The following SLC1A2 variants were observed in gnomAD, a reference collection of about 807,000 sequenced individuals.
SLC1A2 encodes excitatory amino acid transporter 2.
A neutral mutation model predicts 48.8 loss-of-function variants in SLC1A2; 15 were observed. The ratio of observed to expected loss-of-function variants is 0.31; its 90% CI spans 0.21 to 0.47. The LOEUF is 0.47. Among genes scored for constraint, SLC1A2 ranks in the 20% least tolerant of loss-of-function variants. The probability of loss-of-function intolerance (pLI) is 0.99; values close to 1 mark genes in which losing one functional copy is unlikely to be tolerated. For missense variants in SLC1A2, 502 were observed against 730.5 expected, an observed-to-expected ratio of 0.69 and a Z score of 3.61; for synonymous variants, 279 against 272.6, an observed-to-expected ratio of 1.02 and a Z score of -0.23.
intron 1 of SLC1A2, among the ~76,000 whole-genome samples, chr11:35,380,759 G>C (rs1365632598): frequency 6.6e-6 from 1 of 152,210 alleles, no homozygotes; most frequent in African/African-American, 2.4e-5. Context: ...GTGTCTGCAC[G>C]GGCAGTGCCT....
intron 6 of SLC1A2, chr11:35,298,422 G>T (rs1297438878): frequency 6.6e-6 from 1 of 152,104 alleles, no homozygotes; most frequent in Non-Finnish European, 1.5e-5. Context: ...GAATACAAAA[G>T]AATTCTGATT....
chr11:35,379,173 G>A (rs1156954536), intron 1 of SLC1A2, among the ~76,000 whole-genome samples: 2 of 152,154 alleles, frequency 1.3e-5, no homozygotes, highest in Non-Finnish European at 2.9e-5. Flanking sequence ...AGGTTGCAGT[G>A]AGACGAGATC....
chr11:35,403,979 G>C (rs2135279302), intron 1 of SLC1A2, among the ~76,000 whole-genome samples: 1 of 57,602 alleles, frequency 1.7e-5, no homozygotes, highest in Non-Finnish European at 4.1e-5. Flanking sequence ...ATGGACACGT[G>C]GATCAGTCTC....
At chr11:35,289,301 A>ATT (rs11440191) in intron 7 of SLC1A2, among the ~76,000 whole-genome samples, 27 of 147,858 alleles carry the variant, frequency 1.8e-4, no homozygotes, top group Admixed American at 2.7e-4. Context: ...TGGGTTTTAC[A>ATT]TTTTTTTTTT....
intron 1 of SLC1A2, among the ~76,000 whole-genome samples, chr11:35,390,049 A>G (rs1424622612): frequency 5.3e-5 from 8 of 152,372 alleles, no homozygotes; most frequent in East Asian, 3.8e-4. Context: ...AATGGTCACT[A>G]TGACATTTAG....
intron 1 of SLC1A2, among the ~76,000 whole-genome samples, chr11:35,368,466 T>G (rs941751563): frequency 2.0e-5 from 3 of 152,238 alleles, no homozygotes; most frequent in African/African-American, 7.2e-5. Flanking sequence ...GCTCAATCAA[T>G]TATGGCTGAC....
chr11:35,261,352 T>C (rs1950391576), intron 10 of SLC1A2, among the ~76,000 whole-genome samples: 1 of 152,236 alleles, frequency 6.6e-6, no homozygotes, highest in Non-Finnish European at 1.5e-5. Flanking sequence ...TATCTAGTTC[T>C]ACTCATGCAT....
Position 35,260,700 on chromosome 11 carries a change from C to A in SLC1A2, c.*194G>T. 1.8e-6 allele frequency: 1 copy of A among 566,138 alleles called. No homozygotes were observed. The highest frequency in any genetic ancestry group is 3.1e-6 in the Non-Finnish European group (1 of 318,270). 35.1% of individuals were successfully genotyped at this position (566,138 alleles called of 1,614,324 possible). On this transcript the variant is annotated 3_prime_UTR_variant, in exon 11 of 11. Transcript: ENST00000278379. ...GTGAGAAAATTAGACGGTTATAAAGCATTATTTGGCAAAGACACAGCACCG... is the reference window on the plus strand; with the variant it reads ...GTGAGAAAATTAGACGGTTATAAAGAATTATTTGGCAAAGACACAGCACCG...
intron 1 of SLC1A2, chr11:35,390,610 T>C (rs1386948323): frequency 1.5e-4 from 23 of 152,096 alleles, no homozygotes; most frequent in Admixed American, 1.5e-3. Context: ...TCATATTAGT[T>C]ACATGTTGAA....
At chr11:35,282,069 T>C (rs185284190) in intron 8 of SLC1A2, among the ~76,000 whole-genome samples, 36 of 144,036 alleles carry the variant, frequency 2.5e-4, no homozygotes, top group African/African-American at 8.9e-4. Context: ...ATCTTACGTT[T>C]GGAAGATTAA....
intron 1 of SLC1A2, among the ~76,000 whole-genome samples, chr11:35,392,632 T>G (rs745866310): frequency 5.3e-5 from 8 of 152,154 alleles, no homozygotes; most frequent in Admixed American, 2.0e-4. Flanking sequence ...GCTGCCTAAA[T>G]TAAGACTCCC....
chr11:35,281,028 TGGAAATGGAAA>T (rs772200297), intron 8 of SLC1A2, 27 bp from the exon 9 acceptor site: 21 of 1,549,376 alleles, frequency 1.4e-5, no homozygotes, highest in Admixed American at 4.1e-5. Context: ...GTTCAGGTCA[TGGAAATGGAAA>T]GAATCTTAGC....
intron 6 of SLC1A2, among the ~76,000 whole-genome samples, chr11:35,296,923 C>G (rs560817450): frequency 3.0e-4 from 46 of 152,254 alleles, no homozygotes; most frequent in African/African-American, 1.0e-3. Flanking sequence ...CCCTCTCTCC[C>G]TTTCCTAGAA....
chr11:35,411,187 CTCTAA>C (rs1855448625), intron 1 of SLC1A2, among the ~76,000 whole-genome samples: 1 of 152,196 alleles, frequency 6.6e-6, no homozygotes, highest in Admixed American at 6.5e-5. Flanking sequence ...TTCCATTACT[CTCTAA>C]TCTATTCTTA....
intron 7 of SLC1A2, among the ~76,000 whole-genome samples, chr11:35,290,230 A>G (rs977323359): frequency 1.3e-5 from 2 of 152,230 alleles, no homozygotes; most frequent in Non-Finnish European, 2.9e-5. Context: ...TGAGGGGATC[A>G]TCATACAACC....
At chr11:35,306,326 T>A in intron 4 of SLC1A2, 84 bp from the exon 5 acceptor site, 1 of 1,092,862 alleles carries the variant, frequency 9.2e-7, no homozygotes, top group Non-Finnish European at 1.3e-6. Context: ...TCATATATTT[T>A]AAGGTTCCCA....
chr11:35,391,001 C>G (rs1163534609), intron 1 of SLC1A2: 2 of 152,178 alleles, frequency 1.3e-5, no homozygotes, highest in Non-Finnish European at 2.9e-5. Context: ...TCACCTGTTT[C>G]TCTTTCCTTT....
chr11:35,295,564 A>G (rs1851144352), intron 6 of SLC1A2, among the ~76,000 whole-genome samples: 2 of 152,236 alleles, frequency 1.3e-5, no homozygotes, highest in African/African-American at 4.8e-5. Flanking sequence ...GGCTCCACGG[A>G]GAGTTCTGAA....
intron 1 of SLC1A2, among the ~76,000 whole-genome samples, chr11:35,362,465 A>C (rs1303766972): frequency 6.6e-6 from 1 of 152,214 alleles, no homozygotes; most frequent in Non-Finnish European, 1.5e-5. Context: ...TCCTACTTTC[A>C]ACACTCATGA....
Sources: gnomAD v4.1 joint callset for allele counts (sites outside exome capture counted in the v4.1 genomes callset) on GRCh38, gnomAD v4.1.1 for gene constraint, MANE v1.5 for transcripts, NCBI Gene and HGNC (gene_info 2026-07-23, HGNC 2026-07-21) for gene names.